Variants in PCBD2 observed in about 807,000 individuals in gnomAD.
PCBD2 encodes pterin-4 alpha-carbinolamine dehydratase 2.
PCBD2 carries 12 observed loss-of-function variants against 16.4 expected under a neutral mutation model. The ratio of observed to expected loss-of-function variants is 0.73; its 90% CI spans 0.47 to 1.19. The LOEUF (loss-of-function observed/expected upper bound fraction) is 1.19. PCBD2 is among the 50% of genes most tolerant of loss of function. The pLI is 0.00. For missense variants in PCBD2, 138 were observed against 156.8 expected, an observed-to-expected ratio of 0.88 and a Z score of 0.64; for synonymous variants, 58 against 61.8, an observed-to-expected ratio of 0.94 and a Z score of 0.29.
At chr5:134,952,281 A>G (rs1239546515) in intron 2 of PCBD2, among the ~76,000 whole-genome samples, 1 of 152,082 alleles carries the variant, frequency 6.6e-6, no homozygotes, top group African/African-American at 2.4e-5. Context: ...TTAAGGAAGG[A>G]TGCATCTATT....
intron 2 of PCBD2, among the ~76,000 whole-genome samples, chr5:134,934,877 T>C (rs925019111): frequency 1.3e-5 from 2 of 152,246 alleles, no homozygotes; most frequent in Non-Finnish European, 2.9e-5. Context: ...TAACTAGGAT[T>C]ATATCTGTCA....
At chr5:134,953,653 T>C (rs904334051) in intron 2 of PCBD2, among the ~76,000 whole-genome samples, 6 of 151,808 alleles carry the variant, frequency 4.0e-5, no homozygotes, top group African/African-American at 1.5e-4. Flanking sequence ...AAACAAAAAT[T>C]AGCCGGGTGT....
chr5:134,926,323 A>G, intron 2 of PCBD2: 1 of 364,440 alleles, frequency 2.7e-6, no homozygotes, highest in Non-Finnish European at 4.9e-6. Context: ...GAAGAGACTA[A>G]TAACAAGGGT....
At chr5:134,924,036 C>T (rs1274687791) in intron 2 of PCBD2, 3 of 395,316 alleles carry the variant, frequency 7.6e-6, no homozygotes, top group Non-Finnish European at 1.3e-5. Context: ...GTTAATTTTG[C>T]GTATTGGGGT....
At chr5:134,927,829 T>C in intron 2 of PCBD2, 1 of 273,078 alleles carries the variant, frequency 3.7e-6, no homozygotes, top group Non-Finnish European at 6.7e-6. Flanking sequence ...AGGAGTCAGG[T>C]AGTTAGTATT....
At position 134,959,093 on chromosome 5, in the gene PCBD2, C is replaced by T. The variant is rs767275312; in HGVS notation, c.270C>T (p.His90=). 13 of 1,613,732 alleles carry T rather than the reference C, an allele frequency of 8.1e-6. No homozygotes were observed. In the Admixed American group the frequency reaches 1.2e-4, roughly 14 times the overall value. ...VALQAEKMNH[H]PEWFNVYNKV... ...TACAAGCAGAGAAGATGAATCATCA[C>T]CCAGAATGGTTCAATGTATACAACA... Residue 90 remains histidine (H), a synonymous_variant, in exon 3 of 4, where the codon CAC becomes CAT. Transcript: ENST00000254908.
intron 2 of PCBD2, among the ~76,000 whole-genome samples, chr5:134,949,203 G>A (rs918671299): frequency 6.6e-6 from 1 of 152,070 alleles, no homozygotes; most frequent in African/African-American, 2.4e-5. Flanking sequence ...AAATCTTCCC[G>A]TGCCGACACC....
At chr5:134,912,901 A>C (rs537570188) in intron 2 of PCBD2, among the ~76,000 whole-genome samples, 1 of 152,170 alleles carries the variant, frequency 6.6e-6, no homozygotes, top group Non-Finnish European at 1.5e-5. Flanking sequence ...TTCATCTTTC[A>C]TTTAGGACAG....
At chr5:134,910,309 A>C in intron 1 of PCBD2, 26 bp from the exon 2 acceptor site, 1 of 1,603,700 alleles carries the variant, frequency 6.2e-7, no homozygotes, top group Non-Finnish European at 8.5e-7. Context: ...GTACATTTTC[A>C]GATATGAAAT....
chr5:134,930,209 A>G (rs1751076402), intron 2 of PCBD2, among the ~76,000 whole-genome samples: 1 of 152,194 alleles, frequency 6.6e-6, no homozygotes, highest in Admixed American at 6.5e-5. Flanking sequence ...CAGCTAAGGT[A>G]TAAGCAGCTT....
intron 2 of PCBD2, among the ~76,000 whole-genome samples, chr5:134,939,295 A>C (rs1388015720): frequency 6.6e-6 from 1 of 151,376 alleles, no homozygotes; most frequent in East Asian, 1.9e-4. Flanking sequence ...TTACAAGCTC[A>C]TGTTAATGTA....
chr5:134,940,435 T>A (rs11242231), intron 2 of PCBD2, among the ~76,000 whole-genome samples: 11,626 of 139,854 alleles, frequency 0.083, 535 homozygotes, highest in African/African-American at 0.13. Flanking sequence ...GCATATATAT[T>A]TTTTTTTTTA....
At chr5:134,926,455 G>T (rs1467980331) in intron 2 of PCBD2, 31 of 393,912 alleles carry the variant, frequency 7.9e-5, no homozygotes, top group Non-Finnish European at 4.5e-5. Context: ...AGCGTACATG[G>T]TTATTACTTT....
In PCBD2 at chr5:134,953,033, GT is replaced by G. The variant is rs1052025681; in HGVS notation, c.217-5996del. Among the ~76,000 whole-genome samples, 62 of 145,284 alleles carry G rather than the reference GT, an allele frequency of 4.3e-4. 1 individual carries two copies. Among genetic ancestry groups the G allele is most frequent in the South Asian group, 1.1e-3 (5 of 4,608 alleles). The stretch of plus-strand genomic sequence containing the variant: ...CCTGTTCAATATAATTTATTAACAA[GT>G]TTTTTTTTTTGCATTTGCTTATGTG... On this transcript the variant is annotated intron_variant, in intron 2 of 3. Coordinates refer to ENST00000254908, the MANE Select transcript of PCBD2 (RefSeq NM_032151.5).
At chr5:134,943,461 G>A (rs2149538034) in intron 2 of PCBD2, among the ~76,000 whole-genome samples, 1 of 152,322 alleles carries the variant, frequency 6.6e-6, no homozygotes, top group South Asian at 2.1e-4. Context: ...CACCAGTATT[G>A]CAGATTTGTA....
rs900005339 is a variant in PCBD2, at chr5:134,926,405, TA to T, written c.216+15940del. ...TTAGGGTTAATGAGGGTGGTAAGGATAGGGGGAATTAAGGAAGTTAGGGCTA... is the reference window on the plus strand; with the variant it reads ...TTAGGGTTAATGAGGGTGGTAAGGATGGGGGAATTAAGGAAGTTAGGGCTA... On this transcript the variant is annotated intron_variant, in intron 2 of 3. Coordinates refer to ENST00000254908, the MANE Select transcript of PCBD2 (RefSeq NM_032151.5). The T allele has an allele frequency of 6.7e-5, 26 of 387,604 alleles. No homozygotes were observed. In the East Asian group the frequency reaches 6.9e-4, roughly 10 times the overall value. The allele number at this position is 387,604 out of a possible 1,614,324, so 24.0% of individuals were successfully genotyped here.
intron 2 of PCBD2, among the ~76,000 whole-genome samples, chr5:134,916,822 A>T (rs999927125): frequency 6.6e-6 from 1 of 152,270 alleles, no homozygotes; most frequent in Non-Finnish European, 1.5e-5. Flanking sequence ...TGGTGGTGGT[A>T]CATGGGCTCT....
chr5:134,937,506 A>G (rs1159912502), intron 2 of PCBD2, among the ~76,000 whole-genome samples: 1 of 152,268 alleles, frequency 6.6e-6, no homozygotes, highest in East Asian at 1.9e-4. Flanking sequence ...AAGTTACAAT[A>G]CATTGCCTAT....
chr5:134,935,361 C>T (rs1430958503), intron 2 of PCBD2, among the ~76,000 whole-genome samples: 1 of 152,204 alleles, frequency 6.6e-6, no homozygotes, highest in African/African-American at 2.4e-5. Context: ...TCATCCCTTT[C>T]CCTCCTTTAT....
Sources: allele counts gnomAD v4.1 joint callset (sites outside exome capture counted in the v4.1 genomes callset), GRCh38; gene constraint gnomAD v4.1.1; transcripts MANE v1.5; gene names NCBI Gene and HGNC (gene_info 2026-07-23, HGNC 2026-07-21).